Variants in ANKRD6 observed in about 807,000 individuals in gnomAD.
The protein encoded by ANKRD6 is ankyrin repeat domain-containing protein 6.
A neutral mutation model predicts 82.3 loss-of-function variants in ANKRD6; 56 were observed. The ratio of observed to expected loss-of-function variants is 0.68; its 90% CI spans 0.55 to 0.85. The LOEUF is 0.85. Ranked by LOEUF, ANKRD6 falls within the 40% of genes least tolerant of loss-of-function variation. ANKRD6 has a pLI of 0.00. For missense variants in ANKRD6, 852 were observed against 907.6 expected (o/e 0.94, Z 0.79); for synonymous variants, 347 against 352.1 (o/e 0.99, Z 0.16).
intron 1 of ANKRD6, among the ~76,000 whole-genome samples, chr6:89,481,222 A>T (rs919987352): frequency 6.6e-6 from 1 of 152,224 alleles, no homozygotes; most frequent in Non-Finnish European, 1.5e-5. Flanking sequence ...TAAAAACAGT[A>T]GTTATATCCA....
chr6:89,442,982 C>T (rs889284030), intron 1 of ANKRD6, among the ~76,000 whole-genome samples: 2 of 152,118 alleles, frequency 1.3e-5, no homozygotes, highest in Non-Finnish European at 2.9e-5. Context: ...AAGCAATTTT[C>T]CCCCCACAAA....
At chr6:89,564,786 C>G (rs1292430496) in intron 1 of ANKRD6, among the ~76,000 whole-genome samples, 1 of 151,944 alleles carries the variant, frequency 6.6e-6, no homozygotes, top group African/African-American at 2.4e-5. Context: ...ATTTAAATAC[C>G]CATTGCAAGA....
chr6:89,572,714 C>T (rs1370570316), intron 2 of ANKRD6, among the ~76,000 whole-genome samples: 1 of 151,874 alleles, frequency 6.6e-6, no homozygotes, highest in Non-Finnish European at 1.5e-5. Flanking sequence ...GGTAAGGGTC[C>T]ATCTTTACTT....
chr6:89,562,169 G>A (rs184030325), intron 1 of ANKRD6, among the ~76,000 whole-genome samples: 1 of 152,282 alleles, frequency 6.6e-6, no homozygotes, highest in East Asian at 1.9e-4. Context: ...TAGGGCAGTC[G>A]ACAGCACTCA....
chr6:89,506,499 G>T (rs927641410), intron 1 of ANKRD6, among the ~76,000 whole-genome samples: 8 of 152,054 alleles, frequency 5.3e-5, no homozygotes, highest in African/African-American at 1.7e-4. Context: ...ATTTTTAGTA[G>T]AGACGGGGTT....
chr6:89,630,844 T>C lies in ANKRD6; in HGVS notation c.2024T>C (p.Val675Ala), dbSNP rs767090353. Residue 675 changes from valine (V) to alanine (A), a missense_variant, in exon 16 of 16, where the codon GTT (valine) becomes GCT (alanine). Physicochemically the swap from Val to Ala is moderately conservative, Grantham distance 64. Coordinates refer to ENST00000339746, the MANE Select transcript of ANKRD6 (RefSeq NM_001242809.2). The part of the protein sequence containing the change: ...LELTQYFFEA[V>A]STQMEKWYER... ...CTTACCCAGTATTTTTTTGAGGCTG[T>C]TTCTACCCAGATGGAAAAGTGGTAT... 1 of 1,613,878 alleles carries C rather than the reference T, an allele frequency of 6.2e-7. No homozygotes were observed. The highest frequency in any genetic ancestry group is 2.2e-5 in the East Asian group (1 of 44,882).
chr6:89,621,974 A>G lies in ANKRD6; in HGVS notation c.845A>G (p.Lys282Arg), dbSNP rs368769760. 1 of 1,613,204 alleles carries G rather than the reference A, an allele frequency of 6.2e-7. No individual in the cohort carries two copies. Among genetic ancestry groups the G allele is most frequent in the African/African-American group, 1.3e-5 (1 of 74,932 alleles). Residue 282 changes from lysine to arginine, a missense_variant, in exon 10 of 16, where the codon AAG (lysine) becomes AGG (arginine). Lys to Arg is a conservative substitution (Grantham distance 26). Coordinates refer to ENST00000339746, the MANE Select transcript of ANKRD6 (RefSeq NM_001242809.2). Reference protein sequence around the residue: ...RSLRKKRERLKEERRAQSVPR... With the variant: ...RSLRKKRERLREERRAQSVPR... ...CTGAGGAAAAAGAGAGAGAGGCTCA[A>G]GGAAGAGAGGAGAGCCCAGTCTGTG...
chr6:89,549,732 G>T (rs1463291549), intron 1 of ANKRD6, among the ~76,000 whole-genome samples: 2 of 152,068 alleles, frequency 1.3e-5, no homozygotes, highest in African/African-American at 4.8e-5. Context: ...ACAGACAGAA[G>T]CCCAGTGCCC....
chr6:89,594,147 A>G (rs1795407584), intron 2 of ANKRD6, among the ~76,000 whole-genome samples: 1 of 152,254 alleles, frequency 6.6e-6, no homozygotes, highest in African/African-American at 2.4e-5. Context: ...ATGCCAAATT[A>G]TATTGTATAG....
chr6:89,505,607 C>T (rs1779749231), intron 1 of ANKRD6, among the ~76,000 whole-genome samples: 1 of 152,218 alleles, frequency 6.6e-6, no homozygotes, highest in Non-Finnish European at 1.5e-5. Flanking sequence ...TCCTGGCACT[C>T]AAGAGAGTGG....
At chr6:89,478,699 A>G (rs1483692006) in intron 1 of ANKRD6, among the ~76,000 whole-genome samples, 1 of 148,266 alleles carries the variant, frequency 6.7e-6, no homozygotes, top group African/African-American at 2.5e-5. Context: ...GGAGATTGGG[A>G]TGAGCTGAGA....
At chr6:89,530,817 A>G (rs780602352) in intron 1 of ANKRD6, among the ~76,000 whole-genome samples, 6 of 152,228 alleles carry the variant, frequency 3.9e-5, no homozygotes, top group Non-Finnish European at 7.3e-5. Flanking sequence ...AGTAACAGCT[A>G]CATTGGTATC....
At chr6:89,623,782 G>A (rs1368997434) in intron 11 of ANKRD6, 90 bp from the exon 12 acceptor site, 2 of 1,421,870 alleles carry the variant, frequency 1.4e-6, no homozygotes, top group South Asian at 1.4e-5. Context: ...GGGGCTCTTT[G>A]CCCAAATGGG....
chr6:89,500,423 A>G (rs1402996260), intron 1 of ANKRD6, among the ~76,000 whole-genome samples: 1 of 152,230 alleles, frequency 6.6e-6, no homozygotes, highest in African/African-American at 2.4e-5. Context: ...GAATGAATAT[A>G]CCATGGTTAG....
chr6:89,535,627 C>T (rs1783729268), intron 1 of ANKRD6, among the ~76,000 whole-genome samples: 1 of 152,186 alleles, frequency 6.6e-6, no homozygotes, highest in Non-Finnish European at 1.5e-5. Flanking sequence ...ACCAGGACTT[C>T]AGGGCTTTGC....
At chr6:89,624,502 G>A in intron 12 of ANKRD6, 37 bp from the exon 13 acceptor site, 1 of 1,549,346 alleles carries the variant, frequency 6.5e-7, no homozygotes, top group Non-Finnish European at 8.7e-7. Context: ...ATGAAGGAAT[G>A]AACAAGGGAT....
intron 6 of ANKRD6, 94 bp from the exon 7 acceptor site, chr6:89,613,698 G>A: frequency 8.9e-7 from 1 of 1,129,124 alleles, no homozygotes; most frequent in Non-Finnish European, 1.3e-6. Context: ...GTACATGATA[G>A]TCTGCTAGCT....
rs1330918529 is a variant in ANKRD6 at position 89,630,551 on chromosome 6, G to A, written c.1731G>A (p.Glu577=). 1 of 1,613,944 alleles carries A rather than the reference G, an allele frequency of 6.2e-7. No individual in the cohort carries two copies. Among genetic ancestry groups the A allele is most frequent in the East Asian group, 2.2e-5 (1 of 44,880 alleles). The change falls in exon 16 of 16, where the codon GAG becomes GAA. Residue 577 remains glutamate, a synonymous_variant. Transcript: ENST00000339746. ...NSTATQRLQQ[E]LSSSDCTGSR... is the part of the protein sequence containing the mutation. ...CTGCTACCCAGAGACTCCAGCAGGAGCTGTCGTCTTCTGACTGTACAGGCT... is the reference window on the plus strand; with the variant it reads ...CTGCTACCCAGAGACTCCAGCAGGAACTGTCGTCTTCTGACTGTACAGGCT...
intron 1 of ANKRD6, among the ~76,000 whole-genome samples, chr6:89,474,020 T>C (rs568809530): frequency 6.6e-6 from 1 of 152,216 alleles, no homozygotes; most frequent in East Asian, 1.9e-4. Context: ...TGTAATGGCA[T>C]AGATGAAAGA....
Sources: allele counts gnomAD v4.1 joint callset (sites outside exome capture counted in the v4.1 genomes callset), GRCh38; gene constraint gnomAD v4.1.1; transcripts MANE v1.5; gene names NCBI Gene and HGNC (gene_info 2026-07-23, HGNC 2026-07-21).